The following TENM2 variants were observed in gnomAD, a reference collection of about 807,000 sequenced individuals.
TENM2 encodes teneurin-2.
In TENM2, 52 loss-of-function variants were observed where a neutral mutation model predicts 245.2. The ratio of observed to expected loss-of-function variants is 0.21; its 90% CI spans 0.17 to 0.27. The LOEUF (loss-of-function observed/expected upper bound fraction) is 0.27. Among genes scored for constraint, TENM2 ranks in the 10% least tolerant of loss-of-function variants. The pLI is 1.00. For missense variants in TENM2, 3,046 were observed against 3,666.8 expected, an observed-to-expected ratio of 0.83 and a Z score of 4.37; for synonymous variants, 1,363 against 1,438.9, an observed-to-expected ratio of 0.95 and a Z score of 1.19.
chr5:167,199,587 C>T, the TENM2 span, among the ~76,000 whole-genome samples: 12 of 152,080 alleles, frequency 7.9e-5, no homozygotes, highest in South Asian at 1.0e-3. Flanking sequence ...TTACCTTCTC[C>T]GTATAATCTT....
At chr5:167,276,352 T>TTGTGTG in the TENM2 span, among the ~76,000 whole-genome samples, 47 of 34,216 alleles carry the variant, frequency 1.4e-3, no homozygotes, top group African/African-American at 2.5e-3. Flanking sequence ...CCTGTTCATT[T>TTGTGTG]TGTGTGTGTG....
intron 2 of TENM2, among the ~76,000 whole-genome samples, chr5:167,530,432 T>G (rs1195969835): frequency 6.6e-6 from 1 of 152,226 alleles, no homozygotes; most frequent in African/African-American, 2.4e-5. Context: ...GGCTTAATAC[T>G]TTCCTTCTCT....
At chr5:168,258,365 G>A (rs1230756196) in intron 27 of TENM2, among the ~76,000 whole-genome samples, 1 of 152,074 alleles carries the variant, frequency 6.6e-6, no homozygotes, top group African/African-American at 2.4e-5. Flanking sequence ...GCCGGGTGTG[G>A]TGGCATGCAC....
At chr5:167,436,307 G>A (rs911918344) in intron 2 of TENM2, among the ~76,000 whole-genome samples, 7 of 151,936 alleles carry the variant, frequency 4.6e-5, no homozygotes, top group Admixed American at 2.0e-4. Context: ...GGCTGGTCTC[G>A]AACTCCTGAC....
the TENM2 span, among the ~76,000 whole-genome samples, chr5:167,108,394 A>G: frequency 3.9e-5 from 6 of 152,062 alleles, no homozygotes; most frequent in Non-Finnish European, 7.4e-5. Context: ...CCAAAGTGCT[A>G]GGATTACAGG....
At chr5:167,929,016 AAGAG>A (rs1398795047) in intron 3 of TENM2, among the ~76,000 whole-genome samples, 1 of 136,696 alleles carries the variant, frequency 7.3e-6, no homozygotes, top group Non-Finnish European at 1.6e-5. Context: ...GAGAAAAAGA[AAGAG>A]AAAGGAAAGA....
the TENM2 span, among the ~76,000 whole-genome samples, chr5:167,037,049 A>C: frequency 1.1e-4 from 16 of 152,174 alleles, no homozygotes; most frequent in Admixed American, 9.8e-4. Flanking sequence ...TGGGATCCTC[A>C]ATCCCATTTT....
the TENM2 span, among the ~76,000 whole-genome samples, chr5:167,071,878 G>GGCCCCCCCCCCCCCCCCCCCC: frequency 1.6e-5 from 2 of 124,026 alleles, no homozygotes; most frequent in Non-Finnish European, 3.4e-5. Flanking sequence ...TTGACAAATC[G>GGCCCCCCCCCCCCCCCCCCCC]CCCCCCCCCG....
At chr5:167,906,959 G>A (rs537302749) in intron 3 of TENM2, among the ~76,000 whole-genome samples, 5 of 152,306 alleles carry the variant, frequency 3.3e-5, no homozygotes, top group Admixed American at 6.5e-5. Context: ...CAGGCCGGGC[G>A]CAGTGGCTCA....
chr5:168,155,406 G>C (rs919173571), intron 12 of TENM2, among the ~76,000 whole-genome samples: 5 of 31,266 alleles, frequency 1.6e-4, no homozygotes. Flanking sequence ...TGGTGAAAGG[G>C]GGGGGGGGTC....
chr5:167,383,695 A>G (rs1453119708), intron 2 of TENM2, among the ~76,000 whole-genome samples: 1 of 143,220 alleles, frequency 7.0e-6, no homozygotes, highest in Non-Finnish European at 1.5e-5. Context: ...TCTCTAAGAT[A>G]TGATTTGAGC....
chr5:167,485,530 C>T (rs1768005583), intron 2 of TENM2, among the ~76,000 whole-genome samples: 1 of 152,142 alleles, frequency 6.6e-6, no homozygotes, highest in Admixed American at 6.5e-5. Context: ...CCATATTTTT[C>T]ATCTCTAACT....
chr5:167,872,533 AAAG>A (rs1773032397), intron 2 of TENM2, among the ~76,000 whole-genome samples: 6 of 52,742 alleles, frequency 1.1e-4, no homozygotes, highest in Admixed American at 1.6e-4. Flanking sequence ...AGAAAGAAAG[AAAG>A]AAAGAAAGAA....
chr5:168,238,557 G>T (rs1765813144), intron 25 of TENM2, among the ~76,000 whole-genome samples: 1 of 152,164 alleles, frequency 6.6e-6, no homozygotes, highest in South Asian at 2.1e-4. Context: ...TCCTGGAGGG[G>T]ATCCAGCCCA....
chr5:168,168,036 A>G lies in TENM2; in HGVS notation c.2569+5279A>G, dbSNP rs530629347. ...TAATTTTTCCAGTGTACACAACCAC[A>G]AAGATTCTAACTTTGTGCTTATTGA... On this transcript the variant is annotated intron_variant, in intron 13 of 28. Transcript: ENST00000518659. 4.6e-5 allele frequency among the ~76,000 whole-genome samples: 7 copies of G among 152,292 alleles called. No individual in the cohort carries two copies. In the South Asian group the frequency reaches 1.2e-3, roughly 27 times the overall value.
intron 2 of TENM2, among the ~76,000 whole-genome samples, chr5:167,645,863 A>G (rs1281968555): frequency 1.3e-5 from 2 of 151,990 alleles, no homozygotes; most frequent in African/African-American, 2.4e-5. Context: ...TGTAATGCAT[A>G]TATTACAACA....
chr5:167,545,364 G>A (rs1772487886), intron 2 of TENM2, among the ~76,000 whole-genome samples: 1 of 151,972 alleles, frequency 6.6e-6, no homozygotes, highest in South Asian at 2.1e-4. Context: ...CTTCTAAAAT[G>A]GCCACTTTTA....
intron 1 of TENM2, among the ~76,000 whole-genome samples, chr5:167,357,474 G>T (rs1014940195): frequency 2.6e-5 from 4 of 151,794 alleles, no homozygotes; most frequent in Non-Finnish European, 5.9e-5. Context: ...GTAGAGACGG[G>T]ATCTGGAACT....
chr5:167,184,562 G>A, the TENM2 span, among the ~76,000 whole-genome samples: 1 of 152,232 alleles, frequency 6.6e-6, no homozygotes, highest in Admixed American at 6.5e-5. Flanking sequence ...ATCACTTTGC[G>A]AGTGTTTGGA....
Sources: allele counts gnomAD v4.1 joint callset (sites outside exome capture counted in the v4.1 genomes callset), GRCh38; gene constraint gnomAD v4.1.1; transcripts MANE v1.5; gene names NCBI Gene and HGNC (gene_info 2026-07-23, HGNC 2026-07-21).